DNM2: variants seen among roughly 807,000 people sequenced by gnomAD.
DNM2 encodes dynamin-2.
A neutral mutation model predicts 99.0 loss-of-function variants in DNM2; 15 were observed. The observed-to-expected ratio is 0.15, with a 90% confidence interval of 0.10 to 0.23. DNM2 has a LOEUF of 0.23. Among genes scored for constraint, DNM2 ranks in the 10% least tolerant of loss-of-function variants. The pLI, the probability that DNM2 is intolerant of heterozygous loss-of-function variation, is 1.00. For synonymous variants in DNM2, 525 were observed against 481.2 expected (o/e 1.09, Z -1.19); for missense variants, 742 against 1,189.4 (o/e 0.62, Z 5.53).
intron 19 of DNM2, 23 bp downstream of exon 19, chr19:10,829,291 C>T (rs974638801): frequency 1.2e-6 from 2 of 1,609,694 alleles, no homozygotes; most frequent in Non-Finnish European, 1.7e-6. Flanking sequence ...GGTTCCCCTA[C>T]CCTCAAGCAT....
intron 8 of DNM2, among the ~76,000 whole-genome samples, chr19:10,794,888 T>G (rs1391447886): frequency 6.6e-6 from 1 of 152,228 alleles, no homozygotes; most frequent in African/African-American, 2.4e-5. Flanking sequence ...TCATGCTTTC[T>G]GAAACTGGGT....
chr19:10,825,539 C>T (rs1206428853), intron 18 of DNM2, among the ~76,000 whole-genome samples: 1 of 152,126 alleles, frequency 6.6e-6, no homozygotes, highest in African/African-American at 2.4e-5. Context: ...CACGGTAGCT[C>T]ACGCCTGTAA....
At chr19:10,747,945 G>T (rs569257538) in intron 1 of DNM2, among the ~76,000 whole-genome samples, 1 of 152,278 alleles carries the variant, frequency 6.6e-6, no homozygotes, top group South Asian at 2.1e-4. Context: ...CCAGGCTGAG[G>T]GAACAGCCTG....
chr19:10,728,183 G>T (rs1382820777), intron 1 of DNM2, among the ~76,000 whole-genome samples: 1 of 152,212 alleles, frequency 6.6e-6, no homozygotes, highest in Admixed American at 6.5e-5. Flanking sequence ...GGACATTTAT[G>T]ATGTTAAGAG....
intron 2 of DNM2, among the ~76,000 whole-genome samples, chr19:10,767,306 C>T (rs1236092866): frequency 6.6e-6 from 1 of 152,054 alleles, no homozygotes; most frequent in Non-Finnish European, 1.5e-5. Context: ...CTCTATTTCT[C>T]TTTTTGTCAT....
Position 10,795,532 on chromosome 19 carries a change from C to T in DNM2, c.1196+93C>T, listed in dbSNP as rs958858759. 3.5e-6 allele frequency: 5 copies of T among 1,444,124 alleles called. No homozygotes were observed. Among genetic ancestry groups the T allele is most frequent in the South Asian group, 2.3e-5 (2 of 87,410 alleles). 89.5% of individuals were successfully genotyped at this position (1,444,124 alleles called of 1,614,324 possible). A position where few individuals can be genotyped will look rare whatever the true frequency, so the allele number is the denominator to read the frequency against. ...TCACCCACACCTCTGAGTCCCTAATCGTTAGGCCTTAAGAGGGCTCTTGGA... is the reference window on the plus strand; with the variant it reads ...TCACCCACACCTCTGAGTCCCTAATTGTTAGGCCTTAAGAGGGCTCTTGGA... On this transcript the variant is annotated intron_variant, in intron 9 of 20. Coordinates refer to ENST00000389253, the MANE Select transcript of DNM2 (RefSeq NM_001005361.3). This position sits in a 1 kb window ranked among gnomAD's most constrained non-coding sequence, Gnocchi z 4.2.
chr19:10,823,165 G>A lies in DNM2; in HGVS notation c.1782-623G>A, dbSNP rs1243241760. 4 of 152,018 alleles carry A rather than the reference G, an allele frequency of 2.6e-5. 1 individual carries two copies. The highest frequency in any genetic ancestry group is 4.8e-5 in the African/African-American group (2 of 41,306). The allele number at this position is 152,018 out of a possible 1,614,324, so 9.4% of individuals were successfully genotyped here. On this transcript the variant is annotated intron_variant, in intron 16 of 20. Transcript: ENST00000389253. ...CACACCTGTAATCTCAGAACTTTGG[G>A]AAGCCGAGGTGGGCGGATCAGCTGA...
intron 1 of DNM2, among the ~76,000 whole-genome samples, chr19:10,722,957 C>G (rs2068986826): frequency 1.3e-5 from 2 of 151,576 alleles, no homozygotes; most frequent in Admixed American, 1.3e-4. Context: ...GTTATAATAG[C>G]ACTTCTTTCC....
chr19:10,768,281 G>A (rs573567268), intron 2 of DNM2, among the ~76,000 whole-genome samples: 13 of 152,124 alleles, frequency 8.5e-5, no homozygotes, highest in African/African-American at 2.9e-4. Context: ...GTGAAACCAT[G>A]TCTCCACTAA....
In DNM2 at chr19:10,819,991, G is replaced by A; in HGVS notation, c.1683G>A (p.Lys561=). 1 of 1,614,196 alleles carries A rather than the reference G, an allele frequency of 6.2e-7. No individual in the cohort carries two copies. ...CCCTCCACCCTCAGGAGAAAGAGAA[G>A]AAGTACATGCTGCCTCTGGACAACC... is the stretch of plus-strand genomic sequence containing the variant. ...SWYKDEEEKE[K]KYMLPLDNLK... is the part of the protein sequence containing the mutation. Residue 561 remains lysine, a synonymous_variant, in exon 16 of 21, where the codon AAG becomes AAA. Transcript: ENST00000389253.
chr19:10,828,960 T>C (rs2073242713), intron 18 of DNM2, 76 bp from the exon 19 acceptor site: 1 of 1,468,796 alleles, frequency 6.8e-7, no homozygotes. Context: ...CTGTGAGAGA[T>C]GTTTTTCCAG....
intron 15 of DNM2, among the ~76,000 whole-genome samples, chr19:10,819,470 C>T (rs1440167067): frequency 1.3e-5 from 2 of 152,162 alleles, no homozygotes; most frequent in Non-Finnish European, 1.5e-5. Flanking sequence ...CCATTCACTT[C>T]GTGCAAGGCG....
chr19:10,772,540 G>A lies in DNM2; in HGVS notation c.297G>A (p.Gln99=), dbSNP rs896254945. The A allele has an allele frequency of 1.9e-6, 3 of 1,614,220 alleles. No homozygotes were observed. Among genetic ancestry groups the A allele is most frequent in the Middle Eastern group, 3.3e-4 (2 of 6,062 alleles). ...KKFTDFDEVR[Q]EIEAETDRVT... is the part of the protein sequence containing the mutation. ...TTACAGACTTTGATGAAGTCCGGCAGGAGATTGAAGCAGAGACCGACAGGG... is the reference window on the plus strand; with the variant it reads ...TTACAGACTTTGATGAAGTCCGGCAAGAGATTGAAGCAGAGACCGACAGGG... Residue 99 remains glutamine, a synonymous_variant, in exon 3 of 21, where the codon CAG becomes CAA. Transcript: ENST00000389253. The surrounding 1 kb of genome is among the most constrained non-coding windows in gnomAD (Gnocchi z 4.9).
intron 1 of DNM2, among the ~76,000 whole-genome samples, chr19:10,738,937 G>C (rs1373408400): frequency 1.3e-5 from 2 of 151,392 alleles, no homozygotes; most frequent in African/African-American, 4.9e-5. Flanking sequence ...GGGAGGCCGA[G>C]GTGGGCGGAT....
At chr19:10,819,383 C>A (rs1361963274) in intron 15 of DNM2, among the ~76,000 whole-genome samples, 1 of 152,220 alleles carries the variant, frequency 6.6e-6, no homozygotes, top group African/African-American at 2.4e-5. Context: ...CTGCCTCAGT[C>A]TTCCCCTCTG....
At position 10,737,674 on chromosome 19, in the gene DNM2, G is replaced by A. The variant is rs1459445874; in HGVS notation, c.161+19271G>A. 2.0e-5 allele frequency among the ~76,000 whole-genome samples: 3 copies of A among 152,136 alleles called. No homozygotes were observed. The South Asian group carries it at 6.2e-4, about 32-fold the overall frequency. ...ATATTTTTGTATTTTTAGTAGAGAC[G>A]AGGTTTCACTATGTTGGCCAGGCTG... On this transcript the variant is annotated intron_variant, in intron 1 of 20. Coordinates refer to ENST00000389253, the MANE Select transcript of DNM2 (RefSeq NM_001005361.3).
chr19:10,757,240 G>A (rs1039677371), intron 1 of DNM2, among the ~76,000 whole-genome samples: 4 of 151,672 alleles, frequency 2.6e-5, no homozygotes, highest in African/African-American at 9.7e-5. Flanking sequence ...GCAAGCCCCC[G>A]CCGAGGGCTT....
intron 1 of DNM2, among the ~76,000 whole-genome samples, chr19:10,731,080 G>GT (rs1707267888): frequency 6.6e-6 from 1 of 152,170 alleles, no homozygotes; most frequent in African/African-American, 2.4e-5. Flanking sequence ...TGGCGGGCCA[G>GT]TCAAGCGGGC....
chr19:10,734,845 G>A (rs964550997), intron 1 of DNM2, among the ~76,000 whole-genome samples: 2 of 148,526 alleles, frequency 1.3e-5, no homozygotes, highest in Non-Finnish European at 1.5e-5. Flanking sequence ...TCTAGTTGTC[G>A]GATCTCCTTA....
Sources: gnomAD v4.1 joint callset for allele counts (sites outside exome capture counted in the v4.1 genomes callset) on GRCh38, gnomAD v4.1.1 for gene constraint, Gnocchi (gnomAD v3.1) non-coding constraint, MANE v1.5 for transcripts, NCBI Gene and HGNC (gene_info 2026-07-23, HGNC 2026-07-21) for gene names.